Variants in TAFA4 observed in about 807,000 individuals in gnomAD.
TAFA4 encodes the protein TAFA chemokine like family member 4.
Under a neutral mutation model 21.1 loss-of-function variants are expected in TAFA4, and 20 were observed. The observed-to-expected ratio is 0.95, with a 90% CI of 0.67 to 1.38. The LOEUF (loss-of-function observed/expected upper bound fraction) is 1.38. Among genes scored for constraint, TAFA4 ranks in the 40% most tolerant of loss-of-function variants. The pLI is 0.00. For synonymous variants in TAFA4, 71 were observed against 67.4 expected, an observed-to-expected ratio of 1.05 and a Z score of -0.26; for missense variants, 211 against 180.9, an observed-to-expected ratio of 1.17 and a Z score of -0.95.
chr3:68,783,701 G>GAAA (rs1469897938), intron 3 of TAFA4, among the ~76,000 whole-genome samples: 1,223 of 96,396 alleles, frequency 0.013, 7 homozygotes, highest in African/African-American at 0.024. Context: ...GAGAGAGAGA[G>GAAA]AGAGAGAAAG....
intron 3 of TAFA4, among the ~76,000 whole-genome samples, chr3:68,820,387 A>C (rs1236738342): frequency 2.0e-5 from 3 of 152,270 alleles, no homozygotes; most frequent in African/African-American, 7.2e-5. Flanking sequence ...TACAGACTTA[A>C]AAATTGCTAG....
chr3:68,788,620 T>C (rs1030478170), intron 3 of TAFA4, among the ~76,000 whole-genome samples: 2 of 152,078 alleles, frequency 1.3e-5, no homozygotes, highest in Non-Finnish European at 2.9e-5. Flanking sequence ...TTTACATATT[T>C]TTTTTTTAAG....
At chr3:68,835,597 G>A (rs1476364672) in intron 3 of TAFA4, among the ~76,000 whole-genome samples, 1 of 152,236 alleles carries the variant, frequency 6.6e-6, no homozygotes, top group Non-Finnish European at 1.5e-5. Context: ...CTCAAGTGGA[G>A]CAGAGAAAGA....
chr3:68,761,035 CGTTACCTGCTG>C (rs1310129543), intron 3 of TAFA4, among the ~76,000 whole-genome samples: 1 of 152,140 alleles, frequency 6.6e-6, no homozygotes, highest in Non-Finnish European at 1.5e-5. Flanking sequence ...GTGGATTTAT[CGTTACCTGCTG>C]GTAACAAAAG....
chr3:68,733,182 C>T (rs773194861), intron 5 of TAFA4, 29 bp from the exon 6 acceptor site: 10 of 1,612,484 alleles, frequency 6.2e-6, no homozygotes, highest in Non-Finnish European at 8.5e-6. Flanking sequence ...AGGGAACATT[C>T]AACACTCTAT....
chr3:68,741,288 CT>C (rs535420568), intron 4 of TAFA4, among the ~76,000 whole-genome samples: 206 of 152,236 alleles, frequency 1.4e-3, no homozygotes, highest in African/African-American at 4.7e-3. Flanking sequence ...TGTTCTGTTT[CT>C]TTCATTAATG....
chr3:68,785,018 T>G (rs558990887), intron 3 of TAFA4, among the ~76,000 whole-genome samples: 9 of 151,670 alleles, frequency 5.9e-5, no homozygotes, highest in Non-Finnish European at 1.0e-4. Flanking sequence ...AGAGTGCCGA[T>G]TGGTGTATTT....
intron 5 of TAFA4, 127 bp downstream of exon 5, chr3:68,738,948 A>C: frequency 7.4e-7 from 1 of 1,346,088 alleles, no homozygotes; most frequent in South Asian, 1.5e-5. Flanking sequence ...CAAATCCGTA[A>C]GGTAGCACTG....
Position 68,733,109 on chromosome 3 carries a change from C to A in TAFA4, c.*33G>T, listed in dbSNP as rs929839637. 3.1e-6 allele frequency: 5 copies of A among 1,612,510 alleles called. No homozygotes were observed. The highest frequency in any genetic ancestry group is 3.4e-6 in the Non-Finnish European group (4 of 1,179,178). On this transcript the variant is annotated 3_prime_UTR_variant, in exon 6 of 6. Transcript: ENST00000295569. ...AGCAAAAGAGCTCCGCCTCCTGCTG[C>A]CCCTCCAGGATTGAAGCACACCTCT... is the stretch of plus-strand genomic sequence containing the variant.
Position 68,817,187 on chromosome 3 carries a change from C to A in TAFA4, c.130+63543G>T, listed in dbSNP as rs985750097. On this transcript the variant is annotated intron_variant, in intron 3 of 5. Transcript: ENST00000295569. ...TGTAATATACTAAATCCTTTATTGTCATTTCAACAATGTTCACAGAATCTT... is the reference window on the plus strand; with the variant it reads ...TGTAATATACTAAATCCTTTATTGTAATTTCAACAATGTTCACAGAATCTT... Among the ~76,000 whole-genome samples the A allele has an allele frequency of 3.9e-5, 6 of 152,310 alleles. No individual in the cohort carries two copies. In the South Asian group the frequency reaches 8.3e-4, roughly 21 times the overall value.
chr3:68,742,665 A>G (rs183576567), intron 4 of TAFA4, among the ~76,000 whole-genome samples: 51 of 152,334 alleles, frequency 3.3e-4, no homozygotes, highest in Middle Eastern at 3.4e-3. Flanking sequence ...TCAAATTACC[A>G]CTAAAGAACT....
chr3:68,865,143 C>T (rs946557017), intron 3 of TAFA4, among the ~76,000 whole-genome samples: 1 of 152,010 alleles, frequency 6.6e-6, no homozygotes, highest in African/African-American at 2.4e-5. Flanking sequence ...TGTTAAAAAA[C>T]AAAAATAAAA....
intron 1 of TAFA4, among the ~76,000 whole-genome samples, chr3:68,921,858 C>G (rs1038205683): frequency 1.3e-5 from 2 of 152,206 alleles, no homozygotes; most frequent in African/African-American, 4.8e-5. Context: ...ATGCTACGTA[C>G]AGCAAACCTG....
intron 1 of TAFA4, among the ~76,000 whole-genome samples, chr3:68,917,050 C>A (rs557091725): frequency 6.6e-6 from 1 of 152,300 alleles, no homozygotes; most frequent in East Asian, 1.9e-4. Context: ...TAGCTAGCAT[C>A]TCTTCCACCC....
chr3:68,931,631 C>G (rs1214555433), intron 1 of TAFA4, among the ~76,000 whole-genome samples: 1 of 152,180 alleles, frequency 6.6e-6, no homozygotes, highest in Non-Finnish European at 1.5e-5. Context: ...TGAGATGCCT[C>G]CCGCGGAAAG....
At chr3:68,909,937 T>C (rs1485825040) in intron 1 of TAFA4, among the ~76,000 whole-genome samples, 1 of 152,186 alleles carries the variant, frequency 6.6e-6, no homozygotes, top group African/African-American at 2.4e-5. Flanking sequence ...AAGACTTCCA[T>C]ACTCACAGGG....
At chr3:68,742,430 T>C (rs1245236878) in intron 4 of TAFA4, among the ~76,000 whole-genome samples, 1 of 132,934 alleles carries the variant, frequency 7.5e-6, no homozygotes, top group Non-Finnish European at 1.6e-5. Flanking sequence ...CAAACTATGC[T>C]GCCTGTGAAG....
At chr3:68,909,678 T>G (rs1184660689) in intron 1 of TAFA4, among the ~76,000 whole-genome samples, 1 of 152,236 alleles carries the variant, frequency 6.6e-6, no homozygotes, top group East Asian at 1.9e-4. Context: ...AAAAGCCTTT[T>G]GCCTCTACTA....
intron 1 of TAFA4, among the ~76,000 whole-genome samples, chr3:68,920,639 A>ATTT (rs367598663): frequency 1.9e-4 from 25 of 130,208 alleles, no homozygotes; most frequent in African/African-American, 7.2e-4. Context: ...TTTTTCTCTA[A>ATTT]TTTTTTTTTT....
Sources: allele counts gnomAD v4.1 joint callset (sites outside exome capture counted in the v4.1 genomes callset), GRCh38; gene constraint gnomAD v4.1.1; transcripts MANE v1.5; gene names NCBI Gene and HGNC (gene_info 2026-07-23, HGNC 2026-07-21).